The following UBAC2 variants were observed in gnomAD, a reference collection of about 807,000 sequenced individuals.
The protein encoded by UBAC2 is ubiquitin-associated domain-containing protein 2.
Under a neutral mutation model 44.0 loss-of-function variants are expected in UBAC2, and 26 were observed. The observed-to-expected ratio is 0.59, with a 90% CI of 0.43 to 0.82. The LOEUF (loss-of-function observed/expected upper bound fraction) is 0.82, where lower values mean the gene tolerates loss of function less well. Ranked by LOEUF, UBAC2 falls within the 40% of genes least tolerant of loss-of-function variation. UBAC2 has a pLI of 0.00. For synonymous variants in UBAC2, 155 were observed against 154.3 expected (o/e 1.00, Z -0.04); for missense variants, 329 against 419.4 (o/e 0.78, Z 1.88).
At chr13:99,309,538 G>C (rs1252532584) in intron 4 of UBAC2, among the ~76,000 whole-genome samples, 1 of 152,182 alleles carries the variant, frequency 6.6e-6, no homozygotes, top group Non-Finnish European at 1.5e-5. Flanking sequence ...TATTGCTGTT[G>C]AAAGTTACCA....
At chr13:99,283,207 CAG>C (rs2043975771) in intron 4 of UBAC2, among the ~76,000 whole-genome samples, 1 of 152,146 alleles carries the variant, frequency 6.6e-6, no homozygotes, top group Non-Finnish European at 1.5e-5. Context: ...ATGTAGGATT[CAG>C]AGAGCAACTT....
At chr13:99,221,243 T>G (rs1228745401) in intron 1 of UBAC2, among the ~76,000 whole-genome samples, 1 of 152,218 alleles carries the variant, frequency 6.6e-6, no homozygotes, top group Non-Finnish European at 1.5e-5. Flanking sequence ...TTCCTAGAAA[T>G]GGATTTCTTG....
intron 4 of UBAC2, among the ~76,000 whole-genome samples, chr13:99,246,304 A>G (rs568027610): frequency 6.6e-6 from 1 of 152,350 alleles, no homozygotes; most frequent in East Asian, 1.9e-4. Flanking sequence ...ATGCAGTTTG[A>G]ATTCCACAGG....
At chr13:99,382,266 C>G (rs1977254) in intron 8 of UBAC2, among the ~76,000 whole-genome samples, 122,442 of 151,650 alleles carry the variant, frequency 0.81, 50,120 homozygotes, top group Middle Eastern at 0.93. Flanking sequence ...GGAAAATGAT[C>G]AGATGGAATT....
At chr13:99,218,645 C>T (rs181054682) in intron 1 of UBAC2, among the ~76,000 whole-genome samples, 2 of 152,130 alleles carry the variant, frequency 1.3e-5, no homozygotes, top group African/African-American at 2.4e-5. Flanking sequence ...GTATGAGGAG[C>T]GGTCAGTGTG....
rs761305716 is a variant in UBAC2, at chr13:99,200,957, C to T, written c.31+18C>T. ...TGGGCTCTGTGAGTACCGGCCTCCG[C>T]CATCCTGGCTGCCCCCTACACGCCA... On this transcript the variant is annotated intron_variant, in intron 1 of 8. Coordinates refer to ENST00000403766, the MANE Select transcript of UBAC2 (RefSeq NM_001144072.2). The T allele has an allele frequency of 7.7e-6, 10 of 1,305,536 alleles. No homozygotes were observed. The highest frequency in any genetic ancestry group is 1.5e-5 in the African/African-American group (1 of 66,138). The allele number at this position is 1,305,536 out of a possible 1,614,324, so 80.9% of individuals were successfully genotyped here. A position where few individuals can be genotyped will look rare whatever the true frequency, so the allele number is the denominator to read the frequency against.
At chr13:99,323,992 C>G (rs2138789483) in intron 6 of UBAC2, among the ~76,000 whole-genome samples, 1 of 152,236 alleles carries the variant, frequency 6.6e-6, no homozygotes, top group Non-Finnish European at 1.5e-5. Context: ...TACCTGTAGG[C>G]AAAAATCTAG....
chr13:99,384,607 G>A (rs2045594284), intron 8 of UBAC2, among the ~76,000 whole-genome samples: 1 of 152,268 alleles, frequency 6.6e-6, no homozygotes, highest in Non-Finnish European at 1.5e-5. Flanking sequence ...GCCTGCGTAA[G>A]CCCCAGGCTG....
chr13:99,374,448 A>G (rs546370896), intron 8 of UBAC2, among the ~76,000 whole-genome samples: 1 of 152,222 alleles, frequency 6.6e-6, no homozygotes, highest in Non-Finnish European at 1.5e-5. Context: ...GTCAATTCAC[A>G]TGACACGTCG....
chr13:99,337,699 C>T (rs2044809693), intron 6 of UBAC2, among the ~76,000 whole-genome samples: 3 of 152,184 alleles, frequency 2.0e-5, no homozygotes, highest in African/African-American at 7.2e-5. Flanking sequence ...GCATGAGATG[C>T]ACATAATCTG....
At chr13:99,236,975 TAAAAA>T (rs35801009) in intron 1 of UBAC2, among the ~76,000 whole-genome samples, 6 of 148,972 alleles carry the variant, frequency 4.0e-5, no homozygotes. Context: ...TGGAGGTTCT[TAAAAA>T]AAAAAAATAA....
chr13:99,209,564 C>G (rs902280666), intron 1 of UBAC2, among the ~76,000 whole-genome samples: 3 of 152,188 alleles, frequency 2.0e-5, no homozygotes, highest in Non-Finnish European at 4.4e-5. Flanking sequence ...CTGCTGTAAC[C>G]AGGCCTGGGT....
intron 4 of UBAC2, among the ~76,000 whole-genome samples, chr13:99,302,533 G>T (rs1208608715): frequency 6.6e-6 from 1 of 152,212 alleles, no homozygotes; most frequent in Non-Finnish European, 1.5e-5. Context: ...ACGCCTTCTT[G>T]TTCAAACAGG....
chr13:99,321,060 C>T (rs909370629), intron 6 of UBAC2, among the ~76,000 whole-genome samples: 10 of 152,200 alleles, frequency 6.6e-5, no homozygotes, highest in African/African-American at 2.4e-4. Flanking sequence ...TGAGATTTCA[C>T]ATTTTAGTAT....
At chr13:99,215,616 C>T (rs994741881) in intron 1 of UBAC2, 13 of 1,322,476 alleles carry the variant, frequency 9.8e-6, no homozygotes, top group Admixed American at 1.7e-5. Flanking sequence ...GGCAGTTGCA[C>T]CCACATGTCT....
intron 1 of UBAC2, among the ~76,000 whole-genome samples, chr13:99,221,173 C>T (rs2043048607): frequency 6.6e-6 from 1 of 152,124 alleles, no homozygotes; most frequent in Non-Finnish European, 1.5e-5. Context: ...AACAGTGCTG[C>T]GATGAACATT....
At chr13:99,351,641 A>C (rs1284581116) in intron 7 of UBAC2, 1 of 456,778 alleles carries the variant, frequency 2.2e-6, no homozygotes, top group East Asian at 6.9e-5. Context: ...ATTCTGTTAT[A>C]TACCACAACA....
intron 4 of UBAC2, among the ~76,000 whole-genome samples, chr13:99,285,385 C>T (rs1269869866): frequency 6.6e-6 from 1 of 150,732 alleles, no homozygotes; most frequent in Non-Finnish European, 1.5e-5. Context: ...TTTATTATTA[C>T]CTTTCTTCTT....
intron 1 of UBAC2, chr13:99,215,368 T>A (rs1386788002): frequency 9.4e-7 from 1 of 1,066,162 alleles, no homozygotes; most frequent in Non-Finnish European, 1.5e-6. Flanking sequence ...AATCCAGGCA[T>A]ACATTAGACA....
Sources: allele counts gnomAD v4.1 joint callset (sites outside exome capture counted in the v4.1 genomes callset), GRCh38; gene constraint gnomAD v4.1.1; transcripts MANE v1.5; gene names NCBI Gene and HGNC (gene_info 2026-07-23, HGNC 2026-07-21).